UBAC2: variants seen among roughly 807,000 people sequenced by gnomAD.
The protein encoded by UBAC2 is ubiquitin-associated domain-containing protein 2.
A neutral mutation model predicts 44.0 loss-of-function variants in UBAC2; 26 were observed. The observed-to-expected ratio is 0.59, with a 90% CI of 0.43 to 0.82. The LOEUF is 0.82. Among genes scored for constraint, UBAC2 ranks in the 40% least tolerant of loss-of-function variants. The pLI is 0.00. For missense variants in UBAC2, 329 were observed against 419.4 expected (o/e 0.78, Z 1.88); for synonymous variants, 155 against 154.3 (o/e 1.00, Z -0.04).
At chr13:99,289,532 A>G (rs2044062869) in intron 4 of UBAC2, among the ~76,000 whole-genome samples, 2 of 152,246 alleles carry the variant, frequency 1.3e-5, no homozygotes, top group Admixed American at 6.5e-5. Context: ...AAATGACACA[A>G]TGAAAGTGGG....
At chr13:99,257,279 C>T (rs2043580814) in intron 4 of UBAC2, among the ~76,000 whole-genome samples, 1 of 152,124 alleles carries the variant, frequency 6.6e-6, no homozygotes, top group Non-Finnish European at 1.5e-5. Context: ...TCTCTAGTGT[C>T]ATTCAAAGGA....
chr13:99,354,508 A>C (rs1385416061), intron 7 of UBAC2, among the ~76,000 whole-genome samples: 3 of 152,208 alleles, frequency 2.0e-5, no homozygotes, highest in Non-Finnish European at 4.4e-5. Flanking sequence ...GAAGTTCAGC[A>C]GAGCAGGGGA....
intron 8 of UBAC2, among the ~76,000 whole-genome samples, chr13:99,373,962 G>A (rs755902953): frequency 2.6e-5 from 4 of 152,180 alleles, no homozygotes; most frequent in Non-Finnish European, 5.9e-5. Context: ...TGGTGCAACT[G>A]CCCAGACAAG....
chr13:99,320,072 T>C (rs1465028894), intron 6 of UBAC2, among the ~76,000 whole-genome samples: 1 of 152,252 alleles, frequency 6.6e-6, no homozygotes, highest in Non-Finnish European at 1.5e-5. Flanking sequence ...GTCCCCTTCC[T>C]TAGTAACTCT....
At position 99,210,638 on chromosome 13, in the gene UBAC2, C is replaced by T. The variant is rs946720165; in HGVS notation, c.31+9699C>T. Among the ~76,000 whole-genome samples the T allele has an allele frequency of 8.6e-5, 13 of 151,990 alleles. No homozygotes were observed. In the East Asian group the frequency reaches 1.7e-3, roughly 20 times the overall value. Reference sequence around the variant, plus strand: ...GATTATAGGCATGCACCACCACGTCCGGCTAATTTTGTGTTTTTAGTAGAG... The same window carrying T: ...GATTATAGGCATGCACCACCACGTCTGGCTAATTTTGTGTTTTTAGTAGAG... On this transcript the variant is annotated intron_variant, in intron 1 of 8. Coordinates refer to ENST00000403766, the MANE Select transcript of UBAC2 (RefSeq NM_001144072.2).
rs114318773 is a variant in UBAC2, at chr13:99,248,438, C to G, written c.389+3814C>G. On this transcript the variant is annotated intron_variant, in intron 4 of 8. Transcript: ENST00000403766. ...CAGATTTTCACTCTTGCCGCCCAGG[C>G]TGCAGTGCAATGGCGTGATTTCTGC... Among the ~76,000 whole-genome samples, 285 of 149,504 alleles carry G rather than the reference C, an allele frequency of 1.9e-3. 1 individual carries two copies. Among genetic ancestry groups the G allele is most frequent in the African/African-American group, 6.9e-3 (280 of 40,534 alleles).
In UBAC2 at chr13:99,335,190, T is replaced by A. The variant is rs557509665; in HGVS notation, c.562-5130T>A. Among the ~76,000 whole-genome samples, 3 of 152,330 alleles carry A rather than the reference T, an allele frequency of 2.0e-5. 1 individual carries two copies. In the South Asian group the frequency reaches 6.2e-4, roughly 32 times the overall value. On this transcript the variant is annotated intron_variant, in intron 6 of 8. Coordinates refer to ENST00000403766, the MANE Select transcript of UBAC2 (RefSeq NM_001144072.2). The stretch of plus-strand genomic sequence containing the variant: ...ATACTTTGAGACCGAAAAATAAAAA[T>A]GTTTAATTTTGTACTTCATTCAAAT...
intron 8 of UBAC2, among the ~76,000 whole-genome samples, chr13:99,374,712 A>G (rs993886976): frequency 6.6e-6 from 1 of 152,206 alleles, no homozygotes; most frequent in Non-Finnish European, 1.5e-5. Context: ...GTTTTGAGAC[A>G]CATCTCGTGC....
At chr13:99,324,252 C>G (rs2044607550) in intron 6 of UBAC2, among the ~76,000 whole-genome samples, 1 of 152,150 alleles carries the variant, frequency 6.6e-6, no homozygotes, top group South Asian at 2.1e-4. Context: ...CTACTGAAGC[C>G]CTCCCTATAG....
chr13:99,223,540 C>CTTTTTTTTT (rs1217614346), intron 1 of UBAC2, among the ~76,000 whole-genome samples: 2 of 34,914 alleles, frequency 5.7e-5, no homozygotes, highest in African/African-American at 1.0e-4. Flanking sequence ...TTCTCTTTTT[C>CTTTTTTTTT]TGTTTTTTTT....
intron 4 of UBAC2, among the ~76,000 whole-genome samples, chr13:99,286,795 T>G (rs1228290205): frequency 6.6e-6 from 1 of 152,194 alleles, no homozygotes; most frequent in Non-Finnish European, 1.5e-5. Context: ...TAGGACTCCT[T>G]GAAGGTCTGC....
At chr13:99,283,200 TA>T (rs1041893103) in intron 4 of UBAC2, among the ~76,000 whole-genome samples, 5 of 152,224 alleles carry the variant, frequency 3.3e-5, no homozygotes, top group African/African-American at 9.7e-5. Context: ...TTCTAGGATG[TA>T]GGATTCAGAG....
At chr13:99,225,852 A>G (rs1218175008) in intron 1 of UBAC2, among the ~76,000 whole-genome samples, 2 of 152,224 alleles carry the variant, frequency 1.3e-5, no homozygotes, top group African/African-American at 2.4e-5. Context: ...CGTGCCTTGT[A>G]ATTGATGACG....
At chr13:99,321,500 G>A (rs567763890) in intron 6 of UBAC2, among the ~76,000 whole-genome samples, 22 of 152,172 alleles carry the variant, frequency 1.4e-4, no homozygotes, top group Middle Eastern at 3.4e-3. Context: ...TAGTAGAGAC[G>A]AGGTTTCACC....
chr13:99,276,650 T>C (rs1351558282), intron 4 of UBAC2, among the ~76,000 whole-genome samples: 1 of 152,178 alleles, frequency 6.6e-6, no homozygotes, highest in East Asian at 1.9e-4. Context: ...CCCCACTTCC[T>C]GGAGGCTGGT....
At chr13:99,297,127 C>A (rs982388276) in intron 4 of UBAC2, among the ~76,000 whole-genome samples, 2 of 152,080 alleles carry the variant, frequency 1.3e-5, no homozygotes, top group African/African-American at 2.4e-5. Context: ...CTTTCCAATT[C>A]TTTTCTTGTT....
chr13:99,216,822 CTTTTCTT>C (rs921458528), intron 1 of UBAC2, among the ~76,000 whole-genome samples: 2 of 133,480 alleles, frequency 1.5e-5, no homozygotes, highest in Non-Finnish European at 3.3e-5. Flanking sequence ...TTGTTGGACT[CTTTTCTT>C]TTTTCTTTTT....
At chr13:99,335,151 A>G (rs543333550) in intron 6 of UBAC2, among the ~76,000 whole-genome samples, 60 of 152,374 alleles carry the variant, frequency 3.9e-4, no homozygotes, top group African/African-American at 1.2e-3. Flanking sequence ...GAACAAATCA[A>G]CAATCACAGT....
intron 4 of UBAC2, among the ~76,000 whole-genome samples, chr13:99,310,851 A>G (rs1464541942): frequency 6.6e-6 from 1 of 152,098 alleles, no homozygotes; most frequent in Non-Finnish European, 1.5e-5. Flanking sequence ...AAATGTAAAC[A>G]GAAGAACTTC....
Sources: allele counts gnomAD v4.1 joint callset (sites outside exome capture counted in the v4.1 genomes callset), GRCh38; gene constraint gnomAD v4.1.1; transcripts MANE v1.5; gene names NCBI Gene and HGNC (gene_info 2026-07-23, HGNC 2026-07-21).